The following ERC2 variants were observed in gnomAD, a reference collection of about 807,000 sequenced individuals.
ERC2 encodes the protein ERC protein 2.
ERC2 carries 42 observed loss-of-function variants against 114.8 expected under a neutral mutation model. The observed-to-expected ratio is 0.37, with a 90% CI of 0.29 to 0.47. The LOEUF (loss-of-function observed/expected upper bound fraction) is 0.47, where lower values mean the gene tolerates loss of function less well. ERC2 is among the 20% of genes least tolerant of loss of function. The pLI is 0.99. For missense variants in ERC2, 939 were observed against 1,150.7 expected, an observed-to-expected ratio of 0.82 and a Z score of 2.66; for synonymous variants, 454 against 425.5, an observed-to-expected ratio of 1.07 and a Z score of -0.82.
chr3:56,380,891 G>A (rs1272870236), intron 2 of ERC2, among the ~76,000 whole-genome samples: 1 of 152,138 alleles, frequency 6.6e-6, no homozygotes, highest in East Asian at 1.9e-4. Context: ...TATTTTAAAT[G>A]ATAATTGACC....
intron 12 of ERC2, among the ~76,000 whole-genome samples, chr3:55,953,691 C>T (rs765419744): frequency 5.3e-5 from 8 of 152,012 alleles, no homozygotes; most frequent in Non-Finnish European, 8.8e-5. Context: ...GTTAAAATGG[C>T]AATTTATAAG....
At chr3:55,862,070 A>G (rs1282482462) in intron 14 of ERC2, among the ~76,000 whole-genome samples, 2 of 152,210 alleles carry the variant, frequency 1.3e-5, no homozygotes, top group Non-Finnish European at 2.9e-5. Flanking sequence ...GGTTGTTTTA[A>G]GCTCCAATTT....
At chr3:55,562,649 CA>C (rs2056102763) in intron 17 of ERC2, among the ~76,000 whole-genome samples, 1 of 152,038 alleles carries the variant, frequency 6.6e-6, no homozygotes, top group African/African-American at 2.4e-5. Context: ...TGTGCAACAC[CA>C]AAGAACACCA....
In ERC2 at chr3:55,874,757, C is replaced by T. The variant is rs146393793; in HGVS notation, c.2564+13632G>A. On this transcript the variant is annotated intron_variant, in intron 14 of 17. Coordinates refer to ENST00000288221, the MANE Select transcript of ERC2 (RefSeq NM_015576.3). ...GGCAGGGTTAATGAAAGAAATGAGA[C>T]CTTGAGGCATCCAGACGCTAGCAAC... is the stretch of plus-strand genomic sequence containing the variant. Among the ~76,000 whole-genome samples the T allele has an allele frequency of 4.1e-3, 617 of 152,100 alleles. 1 individual carries two copies. Among genetic ancestry groups the T allele is most frequent in the African/African-American group, 0.014 (584 of 41,478 alleles).
chr3:55,888,286 T>C, intron 14 of ERC2, 103 bp downstream of exon 14: 1 of 1,344,444 alleles, frequency 7.4e-7, no homozygotes, highest in Non-Finnish European at 1.0e-6. Context: ...AGCTAAATTA[T>C]TCTTTTTCTG....
intron 13 of ERC2, among the ~76,000 whole-genome samples, chr3:55,926,029 C>A (rs1243421758): frequency 6.6e-6 from 1 of 152,104 alleles, no homozygotes; most frequent in Non-Finnish European, 1.5e-5. Flanking sequence ...CAATGACCCA[C>A]CCAGAAAAGA....
intron 14 of ERC2, among the ~76,000 whole-genome samples, chr3:55,832,762 A>G (rs13088570): frequency 0.17 from 25,646 of 152,206 alleles, 2,441 homozygotes; most frequent in East Asian, 0.23. Flanking sequence ...GACGGAGAAT[A>G]ACTTTGACGA....
At chr3:56,269,019 T>C (rs891298431) in intron 3 of ERC2, among the ~76,000 whole-genome samples, 2 of 152,034 alleles carry the variant, frequency 1.3e-5, no homozygotes, top group Admixed American at 6.5e-5. Flanking sequence ...AAGATACAAA[T>C]AGGAGGCAAA....
chr3:56,421,836 C>A (rs1187481905), intron 2 of ERC2, among the ~76,000 whole-genome samples: 1 of 151,630 alleles, frequency 6.6e-6, no homozygotes, highest in African/African-American at 2.4e-5. Flanking sequence ...CTCCTCCCCA[C>A]TTTTTTTTTC....
At chr3:55,861,297 C>T (rs147571857) in intron 14 of ERC2, among the ~76,000 whole-genome samples, 1 of 152,316 alleles carries the variant, frequency 6.6e-6, no homozygotes, top group East Asian at 1.9e-4. Context: ...TTCCTTACTA[C>T]GGATCTCATG....
At chr3:56,359,227 T>C (rs1306310289) in intron 2 of ERC2, among the ~76,000 whole-genome samples, 1 of 152,204 alleles carries the variant, frequency 6.6e-6, no homozygotes, top group Non-Finnish European at 1.5e-5. Flanking sequence ...ACTGTCCAAA[T>C]GAAGGCAACT....
intron 14 of ERC2, among the ~76,000 whole-genome samples, chr3:55,833,413 G>A (rs1008759421): frequency 8.4e-4 from 127 of 151,824 alleles, no homozygotes; most frequent in African/African-American, 3.0e-3. Context: ...CGGATCTCTC[G>A]GCAGAAACTC....
chr3:56,427,536 C>T (rs2061618859), intron 2 of ERC2, among the ~76,000 whole-genome samples: 1 of 152,168 alleles, frequency 6.6e-6, no homozygotes. Flanking sequence ...AATACCAGTA[C>T]CTCAGAATGT....
At chr3:56,060,484 A>C (rs1167890441) in intron 7 of ERC2, among the ~76,000 whole-genome samples, 5 of 152,236 alleles carry the variant, frequency 3.3e-5, no homozygotes, top group Middle Eastern at 3.2e-3. Flanking sequence ...AATTGTACTT[A>C]TCATCATTTT....
chr3:55,600,563 C>T (rs1019683660), intron 17 of ERC2, among the ~76,000 whole-genome samples: 2 of 152,164 alleles, frequency 1.3e-5, no homozygotes, highest in Non-Finnish European at 2.9e-5. Context: ...CAGATCAAGA[C>T]ATTATTTCTG....
intron 15 of ERC2, among the ~76,000 whole-genome samples, chr3:55,729,496 C>A (rs751497183): frequency 6.6e-6 from 1 of 152,066 alleles, no homozygotes. Flanking sequence ...TTCTACCATA[C>A]AATTTATGTA....
At chr3:56,042,068 G>A (rs964879203) in intron 7 of ERC2, among the ~76,000 whole-genome samples, 10 of 152,168 alleles carry the variant, frequency 6.6e-5, no homozygotes, top group African/African-American at 2.4e-4. Context: ...AGAAGCCCCA[G>A]CTCCTGCTTC....
Position 55,563,085 on chromosome 3 carries a change from G to A in ERC2, c.*40-51809C>T, listed in dbSNP as rs1284691482. Among the ~76,000 whole-genome samples the A allele has an allele frequency of 2.6e-5, 4 of 152,180 alleles. 1 individual carries two copies. The South Asian group carries it at 8.3e-4, about 32-fold the overall frequency. On this transcript the variant is annotated intron_variant, in intron 17 of 17. Coordinates refer to ENST00000288221, the MANE Select transcript of ERC2 (RefSeq NM_015576.3). ...GAATCCCAAATAAACAGCAACTGAT[G>A]TACAAGGAAAAGGCCTGAATATCAG...
intron 7 of ERC2, among the ~76,000 whole-genome samples, chr3:56,035,767 G>A (rs2074754197): frequency 2.0e-5 from 3 of 152,180 alleles, no homozygotes. Context: ...AGAAATGTAA[G>A]AAATAAATTT....
Sources: allele counts gnomAD v4.1 joint callset (sites outside exome capture counted in the v4.1 genomes callset), GRCh38; gene constraint gnomAD v4.1.1; transcripts MANE v1.5; gene names NCBI Gene and HGNC (gene_info 2026-07-23, HGNC 2026-07-21).